JAKMIP3: variants seen among roughly 807,000 people sequenced by gnomAD.
JAKMIP3 encodes Janus kinase and microtubule interacting protein 3.
In JAKMIP3, 58 loss-of-function variants were observed where a neutral mutation model predicts 118.5. The observed-to-expected ratio is 0.49, with a 90% CI of 0.40 to 0.61. The LOEUF (loss-of-function observed/expected upper bound fraction) is 0.61, where lower values mean the gene tolerates loss of function less well. Among genes scored for constraint, JAKMIP3 ranks in the 20% least tolerant of loss-of-function variants. JAKMIP3 has a pLI of 0.00. For missense variants in JAKMIP3, 950 were observed against 1,109.0 expected, an observed-to-expected ratio of 0.86 and a Z score of 2.04; for synonymous variants, 486 against 451.2, an observed-to-expected ratio of 1.08 and a Z score of -0.98.
At chr10:132,096,571 G>A (rs2043887568) in intron 1 of JAKMIP3, among the ~76,000 whole-genome samples, 1 of 152,208 alleles carries the variant, frequency 6.6e-6, no homozygotes, top group South Asian at 2.1e-4. Flanking sequence ...AATGATAATG[G>A]TAAATACAGG....
intron 3 of JAKMIP3, among the ~76,000 whole-genome samples, chr10:132,132,700 C>T (rs112107579): frequency 0.019 from 2,845 of 152,280 alleles, 73 homozygotes; most frequent in African/African-American, 0.064. Context: ...CTGTGCGGGG[C>T]CCCAGCTTTG....
At chr10:132,115,282 G>A (rs952917553) in intron 2 of JAKMIP3, among the ~76,000 whole-genome samples, 2 of 133,338 alleles carry the variant, frequency 1.5e-5, no homozygotes, top group Admixed American at 7.1e-5. Flanking sequence ...CGCGGCTAGG[G>A]GTCACCCTGG....
Position 132,149,278 on chromosome 10 carries a change from G to A in JAKMIP3, c.1849-134G>A, listed in dbSNP as rs761336470. On this transcript the variant is annotated intron_variant, in intron 14 of 23. Transcript: ENST00000684848. Reference sequence around the variant, plus strand: ...ATTCTGCCACCACTGCTGCCGCTGCGGTTTGGTTTTCATAAATGCTGTGTT... The same window carrying A: ...ATTCTGCCACCACTGCTGCCGCTGCAGTTTGGTTTTCATAAATGCTGTGTT... 468 of 615,956 alleles carry A rather than the reference G, an allele frequency of 7.6e-4. 1 individual carries two copies. The highest frequency in any genetic ancestry group is 7.3e-4 in the Non-Finnish European group (256 of 350,354). The allele number at this position is 615,956 out of a possible 1,614,324, so 38.2% of individuals were successfully genotyped here.
chr10:132,081,494 C>T (rs914665049), intron 1 of JAKMIP3, among the ~76,000 whole-genome samples: 2 of 152,160 alleles, frequency 1.3e-5, no homozygotes, highest in Non-Finnish European at 2.9e-5. Flanking sequence ...AGACCAGCGA[C>T]TGCTCACATG....
rs540257082 is a variant in JAKMIP3 at position 132,117,908 on chromosome 10, C to A, written c.633+334C>A. On this transcript the variant is annotated intron_variant, in intron 3 of 23. Transcript: ENST00000684848. This position sits in a 1 kb window ranked among gnomAD's most constrained non-coding sequence, Gnocchi z 8.6. ...GCAAGAAACCTAGAAATCGGCACTGCCCATCCACACCGCAGGGTTCACGGA... is the reference window on the plus strand; with the variant it reads ...GCAAGAAACCTAGAAATCGGCACTGACCATCCACACCGCAGGGTTCACGGA... Among the ~76,000 whole-genome samples the A allele has an allele frequency of 6.6e-6, 1 of 152,294 alleles. No homozygotes were observed. Among genetic ancestry groups the A allele is most frequent in the South Asian group, 2.1e-4 (1 of 4,828 alleles).
intron 9 of JAKMIP3, among the ~76,000 whole-genome samples, chr10:132,140,173 G>A (rs542653861): frequency 2.2e-4 from 34 of 152,350 alleles, no homozygotes; most frequent in African/African-American, 7.5e-4. Context: ...CCGCAGGGAC[G>A]GTGCCCCACG....
chr10:132,133,570 C>G (rs2051090521), intron 4 of JAKMIP3, 43 bp downstream of exon 4: 34 of 1,517,944 alleles, frequency 2.2e-5, no homozygotes, highest in Non-Finnish European at 2.9e-5. Context: ...GTGTCACAGA[C>G]AGACCTGGCC....
Position 132,104,787 on chromosome 10 carries a change from C to T in JAKMIP3, c.-22C>T. The T allele has an allele frequency of 6.5e-7, 1 of 1,547,342 alleles. No individual in the cohort carries two copies. Among genetic ancestry groups the T allele is most frequent in the Admixed American group, 2.0e-5 (1 of 50,934 alleles). ...CCGGAGCACCCTACCCCTGGGCATC[C>T]CCCTGGCCATCCAGCCTCACCATGT... is the stretch of plus-strand genomic sequence containing the variant. On this transcript the variant is annotated 5_prime_UTR_variant, in exon 2 of 24. Transcript: ENST00000684848.
At chr10:132,081,779 G>A (rs1464745741) in intron 1 of JAKMIP3, among the ~76,000 whole-genome samples, 3 of 152,028 alleles carry the variant, frequency 2.0e-5, no homozygotes, top group Non-Finnish European at 2.9e-5. Context: ...GGGGGGAGAC[G>A]TGATCCTTTC....
At chr10:132,100,805 G>A (rs1055502331) in intron 1 of JAKMIP3, among the ~76,000 whole-genome samples, 2 of 125,446 alleles carry the variant, frequency 1.6e-5, no homozygotes, top group South Asian at 2.8e-4. Flanking sequence ...CCCCGGCCGC[G>A]CTCCCCATTC....
intron 1 of JAKMIP3, among the ~76,000 whole-genome samples, chr10:132,040,606 A>G (rs2037710766): frequency 2.0e-5 from 3 of 148,060 alleles, no homozygotes; most frequent in African/African-American, 7.4e-5. Context: ...GTTGATTTTA[A>G]TCCTTTACAA....
chr10:132,080,574 T>C (rs1208663921), intron 1 of JAKMIP3, among the ~76,000 whole-genome samples: 1 of 132,644 alleles, frequency 7.5e-6, no homozygotes, highest in Non-Finnish European at 1.5e-5. Context: ...CAGGCTGGAG[T>C]GCAGTGGTGC....
intron 11 of JAKMIP3, among the ~76,000 whole-genome samples, chr10:132,142,876 GC>G (rs2053828646): frequency 6.6e-6 from 1 of 152,034 alleles, no homozygotes; most frequent in Non-Finnish European, 1.5e-5. Context: ...GGCCAGAGAT[GC>G]CAGTGTCTGG....
intron 16 of JAKMIP3, among the ~76,000 whole-genome samples, chr10:132,151,135 C>T (rs1174802440): frequency 6.6e-6 from 1 of 152,172 alleles, no homozygotes; most frequent in Non-Finnish European, 1.5e-5. Flanking sequence ...CTTCCTTCAT[C>T]CTCCATTCAT....
At chr10:132,173,344 C>T (rs554719727) in intron 23 of JAKMIP3, among the ~76,000 whole-genome samples, 11 of 150,430 alleles carry the variant, frequency 7.3e-5, no homozygotes, top group South Asian at 2.1e-4. Context: ...GTGACACTGG[C>T]GGTAGCAGAT....
At chr10:132,051,899 C>A (rs765602824) in intron 1 of JAKMIP3, among the ~76,000 whole-genome samples, 3 of 152,238 alleles carry the variant, frequency 2.0e-5, no homozygotes, top group Non-Finnish European at 4.4e-5. Context: ...TTAGCCACCA[C>A]GCTTGGCCAG....
At chr10:132,088,373 T>A (rs1589782538) in intron 1 of JAKMIP3, among the ~76,000 whole-genome samples, 1 of 152,176 alleles carries the variant, frequency 6.6e-6, no homozygotes, top group African/African-American at 2.4e-5. Context: ...GCACCTGTTG[T>A]TTCCTGACTT....
intron 1 of JAKMIP3, among the ~76,000 whole-genome samples, chr10:132,052,058 C>CA (rs1470775762): frequency 6.6e-6 from 1 of 152,114 alleles, no homozygotes. Flanking sequence ...CTTGTTTCTA[C>CA]AAAAAATAAA....
chr10:132,110,434 C>T (rs1454734575), intron 2 of JAKMIP3, among the ~76,000 whole-genome samples: 2 of 152,258 alleles, frequency 1.3e-5, no homozygotes, highest in East Asian at 3.8e-4. Context: ...TGAAGATGTG[C>T]TGTCACGTGG....
Sources: allele counts gnomAD v4.1 joint callset (sites outside exome capture counted in the v4.1 genomes callset), GRCh38; gene constraint gnomAD v4.1.1; non-coding constraint Gnocchi (gnomAD v3.1); transcripts MANE v1.5; gene names NCBI Gene and HGNC (gene_info 2026-07-23, HGNC 2026-07-21).